The following DSCAML1 variants were observed in gnomAD, a reference collection of about 807,000 sequenced individuals.
DSCAML1 encodes the protein DS cell adhesion molecule like 1, also known as cell adhesion molecule DSCAML1.
In DSCAML1, 38 loss-of-function variants were observed where a neutral mutation model predicts 200.5. The ratio of observed to expected loss-of-function variants is 0.19; its 90% confidence interval spans 0.15 to 0.25. DSCAML1 has a LOEUF of 0.25. DSCAML1 is among the 10% of genes least tolerant of loss of function. DSCAML1 has a pLI of 1.00. For missense variants in DSCAML1, 2,223 were observed against 2,858.8 expected (o/e 0.78, Z 5.07); for synonymous variants, 1,215 against 1,165.0 (o/e 1.04, Z -0.87).
chr11:117,683,623 G>T (rs1942924), intron 3 of DSCAML1, among the ~76,000 whole-genome samples: 39,769 of 152,096 alleles, frequency 0.26, 6,015 homozygotes, highest in African/African-American at 0.42. Flanking sequence ...TTTTCCTGTA[G>T]AGCAGAGGGG....
In DSCAML1 at chr11:117,505,881, G is replaced by A. The variant is rs2049486652; in HGVS notation, c.1784-149C>T. 6.2e-6 allele frequency: 6 copies of A among 973,656 alleles called. No individual in the cohort carries two copies. In the Admixed American group the frequency reaches 1.7e-4, roughly 27 times the overall value. The allele number at this position is 973,656 out of a possible 1,614,324, so 60.3% of individuals were successfully genotyped here. A position where few individuals can be genotyped will look rare whatever the true frequency, so the allele number is the denominator to read the frequency against. Reference sequence around the variant, plus strand: ...GCAGCCTTGTTCTCCTATGCATGCAGGGTCTCCTAATGATGCCTGGCTCCT... The same window carrying A: ...GCAGCCTTGTTCTCCTATGCATGCAAGGTCTCCTAATGATGCCTGGCTCCT... On this transcript the variant is annotated intron_variant, in intron 8 of 32. Coordinates refer to ENST00000651296, the MANE Select transcript of DSCAML1 (RefSeq NM_020693.4). The surrounding 1 kb of genome is among the most constrained non-coding windows in gnomAD (Gnocchi z 6.7).
chr11:117,585,955 T>A (rs1243544005), intron 3 of DSCAML1, among the ~76,000 whole-genome samples: 1 of 152,210 alleles, frequency 6.6e-6, no homozygotes, highest in Non-Finnish European at 1.5e-5. Context: ...TGGTCTCTGA[T>A]TCACCCGGGA....
intron 3 of DSCAML1, among the ~76,000 whole-genome samples, chr11:117,728,696 C>A (rs772003218): frequency 6.6e-6 from 1 of 151,982 alleles, no homozygotes; most frequent in African/African-American, 2.4e-5. Context: ...ACAATAGCAT[C>A]CAAAAAGAAT....
chr11:117,523,358 C>T (rs2049915296), intron 5 of DSCAML1, among the ~76,000 whole-genome samples: 1 of 152,146 alleles, frequency 6.6e-6, no homozygotes, highest in South Asian at 2.1e-4. Context: ...CTTTTTCAGA[C>T]AGTGCTTAGG....
chr11:117,474,087 ATAT>A (rs2048740846), intron 14 of DSCAML1, among the ~76,000 whole-genome samples: 1 of 152,274 alleles, frequency 6.6e-6, no homozygotes, highest in African/African-American at 2.4e-5. Context: ...AGAGGCACTA[ATAT>A]TTACCAAGCA....
chr11:117,650,700 T>TGTGTGCGC (rs147584706), intron 3 of DSCAML1, among the ~76,000 whole-genome samples: 4,646 of 147,192 alleles, frequency 0.032, 131 homozygotes, highest in South Asian at 0.13. Flanking sequence ...TGTGTGTGTG[T>TGTGTGCGC]GCGTGTGTGT....
upstream of DSCAML1, chr11:117,797,298 C>G (rs751356502): frequency 5.4e-3 from 7,116 of 1,321,308 alleles, 30 homozygotes; most frequent in Non-Finnish European, 6.2e-3. Flanking sequence ...CCCCGCCCCC[C>G]CGCGGCACCC....
intron 5 of DSCAML1, among the ~76,000 whole-genome samples, chr11:117,524,571 G>T (rs1027391894): frequency 6.6e-6 from 1 of 152,220 alleles, no homozygotes; most frequent in Non-Finnish European, 1.5e-5. Flanking sequence ...GATGGTCATG[G>T]TTATGTGATT....
At chr11:117,625,760 T>C (rs10790196) in intron 3 of DSCAML1, among the ~76,000 whole-genome samples, 113,430 of 152,166 alleles carry the variant, frequency 0.75, 42,580 homozygotes, top group Admixed American at 0.81. Context: ...TAACAATGCC[T>C]GTGGGTGCTA....
intron 22 of DSCAML1, 76 bp from the exon 23 acceptor site, chr11:117,439,505 A>G: frequency 6.5e-7 from 1 of 1,540,764 alleles, no homozygotes; most frequent in African/African-American, 1.4e-5. Context: ...CCGGTGTGTG[A>G]CAAAGAGAGC....
intron 3 of DSCAML1, among the ~76,000 whole-genome samples, chr11:117,735,429 T>C (rs917503893): frequency 1.3e-5 from 2 of 151,972 alleles, no homozygotes; most frequent in Non-Finnish European, 2.9e-5. Context: ...TGGCTCAAGG[T>C]CACACAGGTT....
chr11:117,432,640 A>G, intron 29 of DSCAML1, 136 bp from the exon 30 acceptor site: 4 of 1,010,736 alleles, frequency 4.0e-6, no homozygotes, highest in Non-Finnish European at 5.8e-6. Context: ...TTTTTGAGAC[A>G]GGGTCTCACT....
At chr11:117,474,983 C>T (rs2137191927) in intron 14 of DSCAML1, among the ~76,000 whole-genome samples, 2 of 152,248 alleles carry the variant, frequency 1.3e-5, no homozygotes, top group Non-Finnish European at 2.9e-5. Flanking sequence ...TCTCGATCTC[C>T]TGACCTCGTG....
At chr11:117,551,173 A>AT (rs1191543884) in intron 3 of DSCAML1, among the ~76,000 whole-genome samples, 5 of 152,262 alleles carry the variant, frequency 3.3e-5, no homozygotes, top group Admixed American at 6.5e-5. Context: ...AAAGAAAAAG[A>AT]TATCTGGAAG....
At chr11:117,478,980 C>T (rs977394143) in intron 14 of DSCAML1, among the ~76,000 whole-genome samples, 1 of 152,262 alleles carries the variant, frequency 6.6e-6, no homozygotes, top group African/African-American at 2.4e-5. Context: ...TCTCTGTAGA[C>T]ATGTGTATCA....
intron 3 of DSCAML1, among the ~76,000 whole-genome samples, chr11:117,624,997 T>C (rs2052014395): frequency 1.3e-5 from 2 of 152,168 alleles, no homozygotes; most frequent in Admixed American, 6.5e-5. Flanking sequence ...CGCAACATAC[T>C]GTAATTTAAT....
At chr11:117,706,052 G>T (rs1183053814) in intron 3 of DSCAML1, among the ~76,000 whole-genome samples, 1 of 152,106 alleles carries the variant, frequency 6.6e-6, no homozygotes. Flanking sequence ...AAAGGTGCAG[G>T]TGGCTTGGCC....
At chr11:117,636,018 C>A (rs1758094693) in intron 3 of DSCAML1, among the ~76,000 whole-genome samples, 1 of 152,174 alleles carries the variant, frequency 6.6e-6, no homozygotes, top group Admixed American at 6.5e-5. Context: ...TGTTCAGAGG[C>A]AGAGGTTTTA....
At chr11:117,669,479 C>T (rs1175021604) in intron 3 of DSCAML1, among the ~76,000 whole-genome samples, 1 of 152,244 alleles carries the variant, frequency 6.6e-6, no homozygotes, top group Non-Finnish European at 1.5e-5. Context: ...AACCATTCAA[C>T]AGCTATCTAG....
Sources: allele counts gnomAD v4.1 joint callset (sites outside exome capture counted in the v4.1 genomes callset), GRCh38; gene constraint gnomAD v4.1.1; non-coding constraint Gnocchi (gnomAD v3.1); transcripts MANE v1.5; gene names NCBI Gene and HGNC (gene_info 2026-07-23, HGNC 2026-07-21).